The following CEP126 variants were observed in gnomAD, a reference collection of about 807,000 sequenced individuals.
CEP126 encodes centrosomal protein 126.
Under a neutral mutation model 107.8 loss-of-function variants are expected in CEP126, and 74 were observed. That is an observed-to-expected ratio of 0.69 (90% CI 0.57 to 0.83). The LOEUF (loss-of-function observed/expected upper bound fraction) is 0.83, where lower values mean the gene tolerates loss of function less well. Ranked by LOEUF, CEP126 falls within the 40% of genes least tolerant of loss-of-function variation. CEP126 has a pLI of 0.00. For missense variants in CEP126, 1,237 were observed against 1,281.9 expected (o/e 0.96, Z 0.53); for synonymous variants, 449 against 446.0 (o/e 1.01, Z -0.08).
chr11:101,994,123 T>C (rs537364140), intron 10 of CEP126, among the ~76,000 whole-genome samples: 3 of 152,284 alleles, frequency 2.0e-5, no homozygotes, highest in African/African-American at 7.2e-5. Flanking sequence ...TAGTCCCAAC[T>C]ACTCAGGAGG....
At chr11:101,957,714 A>G (rs1207127232) in intron 4 of CEP126, among the ~76,000 whole-genome samples, 1 of 152,154 alleles carries the variant, frequency 6.6e-6, no homozygotes, top group Non-Finnish European at 1.5e-5. Context: ...TATATTTTCT[A>G]TCTGCTTGAA....
At chr11:101,943,409 TAA>T (rs1482064432) in intron 2 of CEP126, among the ~76,000 whole-genome samples, 1 of 152,050 alleles carries the variant, frequency 6.6e-6, no homozygotes, top group Admixed American at 6.6e-5. Context: ...CTAAAAATTC[TAA>T]AAGAGTTCTT....
intron 2 of CEP126, 68 bp from the exon 3 acceptor site, chr11:101,944,197 C>A (rs902295702): frequency 2.3e-6 from 3 of 1,327,578 alleles, no homozygotes; most frequent in South Asian, 3.1e-5. Flanking sequence ...ATAATAAATG[C>A]GTCATTTTGA....
chr11:101,994,933 G>A (rs1941425692), intron 10 of CEP126, among the ~76,000 whole-genome samples: 3 of 147,094 alleles, frequency 2.0e-5, no homozygotes, highest in Non-Finnish European at 4.5e-5. Context: ...ATGCAGGTTT[G>A]TTACATAGGT....
chr11:101,928,265 C>T (rs1320693888), intron 2 of CEP126, among the ~76,000 whole-genome samples: 4 of 152,026 alleles, frequency 2.6e-5, no homozygotes, highest in East Asian at 1.9e-4. Context: ...AGATACTAGT[C>T]CTTTGTCAGA....
At position 101,961,714 on chromosome 11, in the gene CEP126, A is replaced by G. The variant is rs376836980; in HGVS notation, c.706-27A>G. 27 of 1,311,202 alleles carry G rather than the reference A, an allele frequency of 2.1e-5. No homozygotes were observed. In the African/African-American group the frequency reaches 4.0e-4, roughly 19 times the overall value. The allele number at this position is 1,311,202 out of a possible 1,614,324, so 81.2% of individuals were successfully genotyped here. A position where few individuals can be genotyped will look rare whatever the true frequency, so the allele number is the denominator to read the frequency against. On this transcript the variant is annotated intron_variant, in intron 5 of 10. Coordinates refer to ENST00000263468, the MANE Select transcript of CEP126 (RefSeq NM_020802.4). Reference sequence around the variant, plus strand: ...CTTGGCATTTAAAAGTTTATAAGCTATAAAACAATGTTCTTTTTTTTTCCA... The same window carrying G: ...CTTGGCATTTAAAAGTTTATAAGCTGTAAAACAATGTTCTTTTTTTTTCCA...
At chr11:101,944,224 TACC>T (rs769777038) in intron 2 of CEP126, 38 bp from the exon 3 acceptor site, 6 of 1,487,076 alleles carry the variant, frequency 4.0e-6, no homozygotes, top group Non-Finnish European at 5.4e-6. Flanking sequence ...TTTCTAAACT[TACC>T]ACCTATTTCT....
intron 2 of CEP126, among the ~76,000 whole-genome samples, chr11:101,940,043 C>A (rs1361533799): frequency 1.3e-5 from 2 of 152,024 alleles, no homozygotes; most frequent in African/African-American, 4.8e-5. Context: ...GTTCTCATTA[C>A]CAGTGAAGTA....
rs143150013 is a variant in CEP126 at position 101,977,503 on chromosome 11, C to T, written c.2846-844C>T. On this transcript the variant is annotated intron_variant, in intron 6 of 10. Transcript: ENST00000263468. ...AAAATTAGCTTGGCATGGTGGCATG[C>T]ACCTGTAGCCCTAGCTACTCAGGAG... 2.5e-3 allele frequency among the ~76,000 whole-genome samples: 377 copies of T among 151,594 alleles called. 2 individuals carry two copies. The highest frequency in any genetic ancestry group is 8.7e-3 in the African/African-American group (360 of 41,336).
intron 7 of CEP126, among the ~76,000 whole-genome samples, chr11:101,980,727 A>G (rs1941245732): frequency 6.6e-6 from 1 of 152,228 alleles, no homozygotes; most frequent in African/African-American, 2.4e-5. Context: ...GCATGTTATC[A>G]TACTGGATTT....
In CEP126 at chr11:101,963,357, A is replaced by G; in HGVS notation, c.2322A>G (p.Arg774=). 1.2e-6 allele frequency: 2 copies of G among 1,614,130 alleles called. No homozygotes were observed. The highest frequency in any genetic ancestry group is 1.7e-6 in the Non-Finnish European group (2 of 1,180,026). ...KVQSGFICTN[R]KGAVIQPQSA... is the part of the protein sequence containing the mutation. ...AATCAGGCTTTATATGTACAAACAGAAAAGGCGCTGTCATTCAACCACAGT... is the reference window on the plus strand; with the variant it reads ...AATCAGGCTTTATATGTACAAACAGGAAAGGCGCTGTCATTCAACCACAGT... Residue 774 remains arginine (R), a synonymous_variant, in exon 6 of 11, where the codon AGA becomes AGG. Coordinates refer to ENST00000263468, the MANE Select transcript of CEP126 (RefSeq NM_020802.4).
chr11:101,915,264 C>T lies in CEP126; in HGVS notation c.-21C>T. 1 of 1,612,634 alleles carries T rather than the reference C, an allele frequency of 6.2e-7. No homozygotes were observed. Among genetic ancestry groups the T allele is most frequent in the Non-Finnish European group, 8.5e-7 (1 of 1,179,540 alleles). ...GAGGGAGGTTCTGGGGGCGAGCAGA[C>T]AGGCGGCGCTGAAGTGAAGGATGCT... On this transcript the variant is annotated 5_prime_UTR_variant, in exon 1 of 11. It introduces an in-frame stop codon into an upstream open reading frame of the 5' UTR. Coordinates refer to ENST00000263468, the MANE Select transcript of CEP126 (RefSeq NM_020802.4).
chr11:101,968,715 G>A (rs541288416), intron 6 of CEP126, among the ~76,000 whole-genome samples: 1 of 152,276 alleles, frequency 6.6e-6, no homozygotes, highest in African/African-American at 2.4e-5. Context: ...TAAGGAATAA[G>A]CCCACCAGGG....
At chr11:101,955,135 C>A (rs140714732) in intron 4 of CEP126, among the ~76,000 whole-genome samples, 1 of 151,836 alleles carries the variant, frequency 6.6e-6, no homozygotes, top group Non-Finnish European at 1.5e-5. Flanking sequence ...TGCTTAAGCC[C>A]TAAGATAAAT....
intron 5 of CEP126, among the ~76,000 whole-genome samples, chr11:101,960,613 T>C (rs967767980): frequency 2.0e-5 from 3 of 152,152 alleles, no homozygotes; most frequent in Admixed American, 1.3e-4. Context: ...TGAATAATTT[T>C]TAAAACTTAT....
At chr11:101,965,762 T>G (rs1369410106) in intron 6 of CEP126, among the ~76,000 whole-genome samples, 1 of 152,164 alleles carries the variant, frequency 6.6e-6, no homozygotes, top group East Asian at 1.9e-4. Context: ...GAGAAATAAA[T>G]ATTTTTAAGA....
Position 101,928,166 on chromosome 11 carries a change from T to C in CEP126, c.248+5406T>C, listed in dbSNP as rs1221223490. 2.6e-5 allele frequency among the ~76,000 whole-genome samples: 4 copies of C among 152,236 alleles called. No individual in the cohort carries two copies. In the East Asian group the frequency reaches 5.8e-4, roughly 22 times the overall value. On this transcript the variant is annotated intron_variant, in intron 2 of 10. Coordinates refer to ENST00000263468, the MANE Select transcript of CEP126 (RefSeq NM_020802.4). ...TATTTTATTTACCATCTGTTCTCTTTTAGTGAAATTCTCTTTACATTTTTG... is the reference window on the plus strand; with the variant it reads ...TATTTTATTTACCATCTGTTCTCTTCTAGTGAAATTCTCTTTACATTTTTG...
intron 2 of CEP126, among the ~76,000 whole-genome samples, chr11:101,923,670 AG>A (rs1940365328): frequency 1.3e-5 from 2 of 152,264 alleles, no homozygotes; most frequent in South Asian, 4.1e-4. Context: ...TTGTATGCAT[AG>A]GTTTCTGCTT....
rs564454273 is a variant in CEP126, at chr11:101,929,753, T to G, written c.248+6993T>G. Among the ~76,000 whole-genome samples the G allele has an allele frequency of 1.4e-3, 209 of 152,286 alleles. 1 individual carries two copies. The highest frequency in any genetic ancestry group is 4.8e-3 in the African/African-American group (200 of 41,562). On this transcript the variant is annotated intron_variant, in intron 2 of 10. Transcript: ENST00000263468. Reference sequence around the variant, plus strand: ...AAAGCCAGGCGTTCTACTCAGCTTCTCTGACACCATCCCTACAGGAGGGTT... The same window carrying G: ...AAAGCCAGGCGTTCTACTCAGCTTCGCTGACACCATCCCTACAGGAGGGTT...
Sources: allele counts gnomAD v4.1 joint callset (sites outside exome capture counted in the v4.1 genomes callset), GRCh38; gene constraint gnomAD v4.1.1; transcripts MANE v1.5; gene names NCBI Gene and HGNC (gene_info 2026-07-23, HGNC 2026-07-21).